The following BTBD9 variants were observed in gnomAD, a reference collection of about 807,000 sequenced individuals.
BTBD9 encodes the protein BTB domain containing 9.
In BTBD9, 49 loss-of-function variants were observed where a neutral mutation model predicts 64.3. The ratio of observed to expected loss-of-function variants is 0.76; its 90% CI spans 0.61 to 0.97. The LOEUF is 0.97. BTBD9 is among the 50% of genes least tolerant of loss of function. BTBD9 has a pLI of 0.00. For missense variants in BTBD9, 598 were observed against 762.1 expected, an observed-to-expected ratio of 0.78 and a Z score of 2.53; for synonymous variants, 260 against 274.7, an observed-to-expected ratio of 0.95 and a Z score of 0.53.
chr6:38,564,752 C>T (rs554422749), intron 6 of BTBD9, among the ~76,000 whole-genome samples: 20 of 152,010 alleles, frequency 1.3e-4, no homozygotes, highest in South Asian at 6.2e-4. Context: ...ATTAGCTGGG[C>T]GTGGTGGTAG....
chr6:38,330,688 C>A lies in BTBD9; in HGVS notation c.1264+14296G>T, dbSNP rs77506484. ...AGTGTAGATTTGCAGCACTAGAGAGCAAAATAGATGACGAAGATGCTGTGA... is the reference window on the plus strand; with the variant it reads ...AGTGTAGATTTGCAGCACTAGAGAGAAAAATAGATGACGAAGATGCTGTGA... On this transcript the variant is annotated intron_variant, in intron 7 of 10. Coordinates refer to ENST00000481247, the MANE Select transcript of BTBD9 (RefSeq NM_001099272.2). 7.1e-3 allele frequency among the ~76,000 whole-genome samples: 1,070 copies of A among 150,128 alleles called. 11 individuals are homozygous for A. The highest frequency in any genetic ancestry group is 0.025 in the African/African-American group (1,031 of 40,786).
intron 6 of BTBD9, among the ~76,000 whole-genome samples, chr6:38,564,178 C>G (rs1166654256): frequency 1.3e-5 from 2 of 152,148 alleles, no homozygotes; most frequent in African/African-American, 4.8e-5. Flanking sequence ...TCGTGTTATA[C>G]CTTTACTGTC....
chr6:38,576,512 A>G (rs1776041134), intron 6 of BTBD9, among the ~76,000 whole-genome samples: 1 of 152,198 alleles, frequency 6.6e-6, no homozygotes, highest in Non-Finnish European at 1.5e-5. Flanking sequence ...GAAGTTCCTT[A>G]GTGGAGGTAA....
At chr6:38,281,665 A>G (rs143399454) in intron 8 of BTBD9, among the ~76,000 whole-genome samples, 142 of 152,306 alleles carry the variant, frequency 9.3e-4, no homozygotes, top group African/African-American at 3.3e-3. Context: ...TTGTCCTAAC[A>G]TATTGCATTT....
chr6:38,299,326 C>G (rs374629271), intron 7 of BTBD9, among the ~76,000 whole-genome samples: 1 of 152,152 alleles, frequency 6.6e-6, no homozygotes, highest in Admixed American at 6.5e-5. Flanking sequence ...TACGTGTGCA[C>G]GTGTCTTTAT....
At chr6:38,175,497 T>C (rs1020750137) in intron 10 of BTBD9, among the ~76,000 whole-genome samples, 6 of 152,212 alleles carry the variant, frequency 3.9e-5, no homozygotes, top group African/African-American at 1.4e-4. Flanking sequence ...ATGGGCTCTT[T>C]TTTCTTTTTT....
intron 9 of BTBD9, among the ~76,000 whole-genome samples, chr6:38,238,477 GT>G (rs59298777): frequency 7.9e-5 from 11 of 139,082 alleles, no homozygotes; most frequent in Non-Finnish European, 1.2e-4. Flanking sequence ...AAGGTTTTTT[GT>G]TTTTTTTTTT....
intron 8 of BTBD9, among the ~76,000 whole-genome samples, chr6:38,266,678 G>GAAAGAAAGAAAGA (rs138593243): frequency 7.5e-6 from 1 of 133,014 alleles, no homozygotes; most frequent in Non-Finnish European, 1.6e-5. Context: ...AAGAAAGAAA[G>GAAAGAAAGAAAGA]AAGAAAAAGA....
At chr6:38,223,975 G>A (rs757759231) in intron 9 of BTBD9, among the ~76,000 whole-genome samples, 53 of 152,184 alleles carry the variant, frequency 3.5e-4, no homozygotes, top group Non-Finnish European at 6.3e-4. Context: ...AATTTTTGGA[G>A]GCCAAAGCAG....
At chr6:38,613,005 G>C (rs1322334489) in intron 1 of BTBD9, 1 of 152,162 alleles carries the variant, frequency 6.6e-6, no homozygotes, top group Non-Finnish European at 1.5e-5. Flanking sequence ...CCGAGCACTT[G>C]AAATACAGCA....
At chr6:38,277,911 G>A (rs1761341033) in intron 8 of BTBD9, among the ~76,000 whole-genome samples, 1 of 152,118 alleles carries the variant, frequency 6.6e-6, no homozygotes, top group Admixed American at 6.6e-5. Context: ...AGTGTTCTGT[G>A]GCAGAGCTGT....
At chr6:38,228,351 C>CCCA (rs566108714) in intron 9 of BTBD9, among the ~76,000 whole-genome samples, 350 of 28,362 alleles carry the variant, frequency 0.012, 6 homozygotes, top group African/African-American at 0.016. Context: ...TCCCCCCCCC[C>CCCA]AAAAAAAAAA....
intron 10 of BTBD9, among the ~76,000 whole-genome samples, chr6:38,183,885 G>A (rs550529826): frequency 2.1e-4 from 32 of 152,172 alleles, no homozygotes; most frequent in South Asian, 4.1e-4. Flanking sequence ...CCCATGGTCT[G>A]ATTTATGGAG....
intron 6 of BTBD9, among the ~76,000 whole-genome samples, chr6:38,514,682 G>A (rs1306421404): frequency 6.6e-6 from 1 of 152,146 alleles, no homozygotes; most frequent in African/African-American, 2.4e-5. Flanking sequence ...GCCCTTTCCT[G>A]ACAAAGAAGG....
chr6:38,264,854 C>T (rs952903942), intron 8 of BTBD9, among the ~76,000 whole-genome samples: 1 of 152,126 alleles, frequency 6.6e-6, no homozygotes, highest in African/African-American at 2.4e-5. Context: ...ACATGAGAAC[C>T]CCTGAGGTGT....
intron 6 of BTBD9, among the ~76,000 whole-genome samples, chr6:38,419,450 T>C (rs1325109345): frequency 6.6e-6 from 1 of 152,278 alleles, no homozygotes; most frequent in Non-Finnish European, 1.5e-5. Context: ...ATTTCATTTA[T>C]GAGACCTGTC....
chr6:38,387,686 CAT>C (rs1486701009), intron 6 of BTBD9, among the ~76,000 whole-genome samples: 1 of 152,160 alleles, frequency 6.6e-6, no homozygotes, highest in Non-Finnish European at 1.5e-5. Flanking sequence ...CAAAATATAA[CAT>C]ATGGATCTGC....
At chr6:38,323,294 C>T (rs1323774793) in intron 7 of BTBD9, among the ~76,000 whole-genome samples, 1 of 152,176 alleles carries the variant, frequency 6.6e-6, no homozygotes, top group Non-Finnish European at 1.5e-5. Flanking sequence ...TGCCATTTTG[C>T]CAAACCTACC....
intron 6 of BTBD9, among the ~76,000 whole-genome samples, chr6:38,364,812 C>A (rs1554142571): frequency 6.6e-6 from 1 of 152,100 alleles, no homozygotes; most frequent in Non-Finnish European, 1.5e-5. Context: ...TGGAAAAAAA[C>A]TAAACCAACT....
Sources: gnomAD v4.1 joint callset for allele counts (sites outside exome capture counted in the v4.1 genomes callset) on GRCh38, gnomAD v4.1.1 for gene constraint, MANE v1.5 for transcripts, NCBI Gene and HGNC (gene_info 2026-07-23, HGNC 2026-07-21) for gene names.